Variants in PLXDC2 observed in about 807,000 individuals in gnomAD.
PLXDC2 encodes plexin domain containing 2.
A neutral mutation model predicts 68.9 loss-of-function variants in PLXDC2; 40 were observed. The observed-to-expected ratio is 0.58, with a 90% CI of 0.45 to 0.76. The LOEUF is 0.76. Among genes scored for constraint, PLXDC2 ranks in the 30% least tolerant of loss-of-function variants. The probability of loss-of-function intolerance (pLI) is 0.00; values close to 1 mark genes in which losing one functional copy is unlikely to be tolerated. For missense variants in PLXDC2, 644 were observed against 661.9 expected (o/e 0.97, Z 0.30); for synonymous variants, 243 against 234.2 (o/e 1.04, Z -0.34).
intron 1 of PLXDC2, among the ~76,000 whole-genome samples, chr10:19,917,038 G>T (rs1278982524): frequency 6.6e-6 from 1 of 152,112 alleles, no homozygotes; most frequent in Non-Finnish European, 1.5e-5. Context: ...GGTAGGTGTG[G>T]CTTTTGACTG....
chr10:19,842,486 C>G (rs528659447), intron 1 of PLXDC2, among the ~76,000 whole-genome samples: 1 of 152,278 alleles, frequency 6.6e-6, no homozygotes, highest in South Asian at 2.1e-4. Context: ...ACTGCAGCTC[C>G]CAATGTCCTT....
chr10:19,836,980 G>A (rs1301452213), intron 1 of PLXDC2, among the ~76,000 whole-genome samples: 1 of 152,126 alleles, frequency 6.6e-6, no homozygotes, highest in Non-Finnish European at 1.5e-5. Flanking sequence ...TAAGGAATCA[G>A]GGAATAAGTT....
intron 1 of PLXDC2, among the ~76,000 whole-genome samples, chr10:19,938,514 G>C (rs1042274685): frequency 6.6e-6 from 1 of 151,968 alleles, no homozygotes; most frequent in Non-Finnish European, 1.5e-5. Context: ...AGAGTTTGGC[G>C]GGGGGCTATA....
chr10:20,183,361 G>A (rs145119040), intron 9 of PLXDC2, among the ~76,000 whole-genome samples: 227 of 151,910 alleles, frequency 1.5e-3, no homozygotes, highest in Non-Finnish European at 2.3e-3. Context: ...GGCATCATAA[G>A]GTATGATGCT....
intron 1 of PLXDC2, among the ~76,000 whole-genome samples, chr10:19,844,455 C>T (rs1836964614): frequency 6.6e-6 from 1 of 152,052 alleles, no homozygotes; most frequent in Non-Finnish European, 1.5e-5. Context: ...TACAAACCAC[C>T]GGACACTCAC....
chr10:20,203,954 C>A (rs1294912874), intron 9 of PLXDC2, among the ~76,000 whole-genome samples: 1 of 152,148 alleles, frequency 6.6e-6, no homozygotes, highest in Admixed American at 6.6e-5. Context: ...ACACACTCCA[C>A]CTTCTTGCAT....
At chr10:19,887,335 A>T (rs1313440055) in intron 1 of PLXDC2, among the ~76,000 whole-genome samples, 1 of 152,196 alleles carries the variant, frequency 6.6e-6, no homozygotes, top group Admixed American at 6.5e-5. Flanking sequence ...ATCCTGGCCA[A>T]TATGGCAAAA....
intron 9 of PLXDC2, among the ~76,000 whole-genome samples, chr10:20,206,959 T>G (rs1345244742): frequency 6.6e-6 from 1 of 152,124 alleles, no homozygotes; most frequent in Non-Finnish European, 1.5e-5. Flanking sequence ...AGAAATAATA[T>G]CAAGGTGTCT....
chr10:20,211,174 A>T (rs1835064439), intron 9 of PLXDC2, among the ~76,000 whole-genome samples: 1 of 152,124 alleles, frequency 6.6e-6, no homozygotes, highest in Non-Finnish European at 1.5e-5. Flanking sequence ...TGAAAACCCC[A>T]CAACTGCCAA....
intron 1 of PLXDC2, among the ~76,000 whole-genome samples, chr10:19,971,006 A>G (rs993582922): frequency 2.0e-5 from 3 of 152,206 alleles, no homozygotes; most frequent in Non-Finnish European, 4.4e-5. Flanking sequence ...GTAGGTAAAG[A>G]TGAAACCACG....
intron 7 of PLXDC2, among the ~76,000 whole-genome samples, chr10:20,167,862 A>G (rs889545104): frequency 6.6e-6 from 1 of 152,156 alleles, no homozygotes; most frequent in Non-Finnish European, 1.5e-5. Context: ...AAAATGCTGT[A>G]AAGCAATTTT....
At chr10:20,047,889 T>C (rs1007848923) in intron 3 of PLXDC2, among the ~76,000 whole-genome samples, 3 of 152,168 alleles carry the variant, frequency 2.0e-5, no homozygotes, top group Non-Finnish European at 4.4e-5. Flanking sequence ...GCTCAAATTG[T>C]GTGTGTAAAA....
chr10:20,243,813 C>G (rs999882635), intron 12 of PLXDC2, among the ~76,000 whole-genome samples: 1 of 152,152 alleles, frequency 6.6e-6, no homozygotes, highest in South Asian at 2.1e-4. Flanking sequence ...AATCCCAGTA[C>G]TTTGGGAGGC....
chr10:19,942,807 A>G (rs1005921532), intron 1 of PLXDC2, among the ~76,000 whole-genome samples: 3 of 152,192 alleles, frequency 2.0e-5, no homozygotes, highest in Middle Eastern at 3.4e-3. Context: ...CGAAACAAAT[A>G]ATTGGGTTCT....
At chr10:20,019,069 C>T (rs1268432956) in intron 2 of PLXDC2, among the ~76,000 whole-genome samples, 2 of 152,090 alleles carry the variant, frequency 1.3e-5, no homozygotes, top group Non-Finnish European at 2.9e-5. Flanking sequence ...CCCTTTAGCC[C>T]AGGAGTTCAA....
intron 1 of PLXDC2, among the ~76,000 whole-genome samples, chr10:19,931,869 AT>A (rs986264495): frequency 9.8e-4 from 149 of 152,220 alleles, no homozygotes; most frequent in African/African-American, 3.5e-3. Context: ...AAAAAATATT[AT>A]TGGAGCTTCA....
chr10:20,155,870 T>A (rs1042754977), intron 6 of PLXDC2, among the ~76,000 whole-genome samples: 2 of 152,048 alleles, frequency 1.3e-5, no homozygotes, highest in African/African-American at 4.8e-5. Flanking sequence ...ATTATTTTAT[T>A]TTATTTTATG....
intron 9 of PLXDC2, among the ~76,000 whole-genome samples, chr10:20,185,192 G>A (rs1413604774): frequency 2.1e-5 from 3 of 143,270 alleles, no homozygotes; most frequent in Admixed American, 7.1e-5. Flanking sequence ...AAAAAACTAT[G>A]GGTATTTTCC....
chr10:19,932,598 C>T (rs1226509045), intron 1 of PLXDC2, among the ~76,000 whole-genome samples: 1 of 149,840 alleles, frequency 6.7e-6, no homozygotes. Flanking sequence ...AAGCAAGACA[C>T]CAACCATATG....
Sources: gnomAD v4.1 joint callset for allele counts (sites outside exome capture counted in the v4.1 genomes callset) on GRCh38, gnomAD v4.1.1 for gene constraint, MANE v1.5 for transcripts, NCBI Gene and HGNC (gene_info 2026-07-23, HGNC 2026-07-21) for gene names.